Variants in PCDHGA6 observed in about 807,000 individuals in gnomAD.
The protein encoded by PCDHGA6 is protocadherin gamma subfamily A, 6, also known as protocadherin gamma-A6.
PCDHGA6 carries 41 observed loss-of-function variants against 60.6 expected under a neutral mutation model. The ratio of observed to expected loss-of-function variants is 0.68; its 90% CI spans 0.53 to 0.88. The LOEUF (loss-of-function observed/expected upper bound fraction) is 0.88, where lower values mean the gene tolerates loss of function less well. Ranked by LOEUF, PCDHGA6 falls within the 40% of genes least tolerant of loss-of-function variation. The pLI, the probability that PCDHGA6 is intolerant of heterozygous loss-of-function variation, is 0.00. For synonymous variants in PCDHGA6, 594 were observed against 524.4 expected (o/e 1.13, Z -1.81); for missense variants, 1,312 against 1,203.0 (o/e 1.09, Z -1.34).
At chr5:141,480,982 C>T (rs1258067957) in intron 1 of PCDHGA6, among the ~76,000 whole-genome samples, 1 of 152,150 alleles carries the variant, frequency 6.6e-6, no homozygotes, top group African/African-American at 2.4e-5. Context: ...TCAGTGAACC[C>T]AGGATGTGGA....
chr5:141,414,052 T>C, intron 1 of PCDHGA6: 1 of 1,610,346 alleles, frequency 6.2e-7, no homozygotes, highest in Non-Finnish European at 8.5e-7. Flanking sequence ...TGACACGCAA[T>C]TGTTGAAGTT....
chr5:141,422,317 G>A (rs1266672163), intron 1 of PCDHGA6: 2 of 1,548,092 alleles, frequency 1.3e-6, no homozygotes, highest in Non-Finnish European at 1.7e-6. Context: ...CTCTCCTCCA[G>A]GTACAGTGAT....
intron 1 of PCDHGA6, among the ~76,000 whole-genome samples, chr5:141,456,073 A>G (rs1490650582): frequency 2.6e-5 from 4 of 151,252 alleles, no homozygotes; most frequent in Non-Finnish European, 5.9e-5. Flanking sequence ...AATTTTTTGT[A>G]TTTTCAGTAG....
intron 1 of PCDHGA6, among the ~76,000 whole-genome samples, chr5:141,470,729 G>T (rs1253040487): frequency 6.6e-6 from 1 of 152,102 alleles, no homozygotes; most frequent in Non-Finnish European, 1.5e-5. Context: ...TCAGGGTCTT[G>T]CTCTGTCGCC....
At chr5:141,464,418 T>C (rs1244881278) in intron 1 of PCDHGA6, among the ~76,000 whole-genome samples, 2 of 151,652 alleles carry the variant, frequency 1.3e-5, no homozygotes, top group Non-Finnish European at 2.9e-5. Flanking sequence ...TATATATCTA[T>C]ATATATAGAT....
intron 1 of PCDHGA6, among the ~76,000 whole-genome samples, chr5:141,468,131 C>A (rs1006565854): frequency 1.3e-5 from 2 of 151,650 alleles, no homozygotes; most frequent in South Asian, 4.2e-4. Context: ...TTGAGACCAG[C>A]CTGGCCAACA....
In PCDHGA6 at chr5:141,405,345, A is replaced by G. The variant is rs758657243; in HGVS notation, c.2424+28838A>G. 3 of 1,613,944 alleles carry G rather than the reference A, an allele frequency of 1.9e-6. No homozygotes were observed. In the South Asian group the frequency reaches 3.3e-5, roughly 18 times the overall value. On this transcript the variant is annotated intron_variant, in intron 1 of 3. Coordinates refer to ENST00000517434, the MANE Select transcript of PCDHGA6 (RefSeq NM_018919.3). ...CCTTTGTGCGTCTCTGTTGATTCCA[A>G]GTTTCCTATAGAAGACACCCCTTTG...
chr5:141,416,378 A>C (rs2096019434), intron 1 of PCDHGA6: 1 of 152,230 alleles, frequency 6.6e-6, no homozygotes, highest in South Asian at 2.1e-4. Flanking sequence ...GAAATTAAGA[A>C]TATTTGGGAT....
chr5:141,383,987 G>A (rs773186043), intron 1 of PCDHGA6: 70 of 1,613,612 alleles, frequency 4.3e-5, no homozygotes, highest in Admixed American at 3.3e-5. Context: ...ACACCTCTTG[G>A]GACAGTCATT....
chr5:141,394,907 T>C (rs1477088272), intron 1 of PCDHGA6: 2 of 1,613,640 alleles, frequency 1.2e-6, no homozygotes, highest in Non-Finnish European at 1.7e-6. Context: ...TGGCAGTGGC[T>C]GCCATCTCCT....
rs1021096537 is a variant in PCDHGA6, at chr5:141,511,383, T to C, written c.*210T>C. 2 of 1,155,330 alleles carry C rather than the reference T, an allele frequency of 1.7e-6. No homozygotes were observed. Among genetic ancestry groups the C allele is most frequent in the Non-Finnish European group, 2.4e-6 (2 of 841,000 alleles). The allele number at this position is 1,155,330 out of a possible 1,614,324, so 71.6% of individuals were successfully genotyped here. ...GTTGAATATGCAAAAGCAGTTCCGC[T>C]GGGAACCCCCATCCAATCAACTGCT... is the stretch of plus-strand genomic sequence containing the variant. On this transcript the variant is annotated 3_prime_UTR_variant, in exon 4 of 4. Transcript: ENST00000517434.
At position 141,375,273 on chromosome 5, in the gene PCDHGA6, C is replaced by A. The variant is rs770340172; in HGVS notation, c.1190C>A (p.Ser397Ter). 6.2e-7 allele frequency: 1 copy of A among 1,613,854 alleles called. No individual in the cohort carries two copies. Among genetic ancestry groups the A allele is most frequent in the South Asian group, 1.1e-5 (1 of 91,082 alleles). ...PRSLPFELEK[S>*]VGNYYRLVTN... ...AGTCTCCCATTTGAATTGGAAAAAT[C>A]AGTTGGCAATTATTATCGATTAGTG... The change falls in exon 1 of 4, where the codon TCA (serine) becomes TAA (stop). Residue 397 changes from serine (S) to a stop codon, truncating the protein, a stop_gained. Coordinates refer to ENST00000517434, the MANE Select transcript of PCDHGA6 (RefSeq NM_018919.3). LOFTEE classifies it high-confidence loss of function.
intron 1 of PCDHGA6, among the ~76,000 whole-genome samples, chr5:141,443,829 A>G (rs1387307023): frequency 6.6e-6 from 1 of 152,228 alleles, no homozygotes; most frequent in Non-Finnish European, 1.5e-5. Flanking sequence ...ATAATTAGGT[A>G]AAATGGGTAA....
intron 1 of PCDHGA6, chr5:141,423,689 G>T: frequency 7.1e-7 from 1 of 1,400,130 alleles, no homozygotes; most frequent in Non-Finnish European, 9.4e-7. Context: ...CCTCCTAATT[G>T]TTGGTGTCTT....
chr5:141,415,461 T>C, intron 1 of PCDHGA6: 5 of 1,614,180 alleles, frequency 3.1e-6, no homozygotes, highest in Non-Finnish European at 4.2e-6. Context: ...ACGAGGTCTC[T>C]CTCACCGCGG....
At chr5:141,385,018 T>TTCGTCC in intron 1 of PCDHGA6, 1 of 1,614,144 alleles carries the variant, frequency 6.2e-7, no homozygotes, top group Non-Finnish European at 8.5e-7. Flanking sequence ...CTTCCTAGCC[T>TTCGTCC]TCGTCCTCGT....
At chr5:141,504,990 C>T (rs1056476591) in intron 2 of PCDHGA6, among the ~76,000 whole-genome samples, 3 of 151,976 alleles carry the variant, frequency 2.0e-5, no homozygotes, top group Non-Finnish European at 2.9e-5. Context: ...GGTGAAACCC[C>T]GTCTGTACTA....
In PCDHGA6 at chr5:141,432,198, AC is replaced by A. The variant is rs1345236539; in HGVS notation, c.2424+55692del. ...GTCTCTGTGACCGCCCACGACCCCG[AC>A]TGTGAAGAGAACGCCCAGATCACTT... is the stretch of plus-strand genomic sequence containing the variant. On this transcript the variant is annotated intron_variant, in intron 1 of 3. Coordinates refer to ENST00000517434, the MANE Select transcript of PCDHGA6 (RefSeq NM_018919.3). This position sits in a 1 kb window ranked among gnomAD's most constrained non-coding sequence, Gnocchi z 6.0. 6 of 1,613,998 alleles carry A rather than the reference AC, an allele frequency of 3.7e-6. No homozygotes were observed. Among genetic ancestry groups the A allele is most frequent in the Non-Finnish European group, 4.2e-6 (5 of 1,180,030 alleles).
At position 141,413,133 on chromosome 5, in the gene PCDHGA6, C is replaced by T. The variant is rs765215473; in HGVS notation, c.2424+36626C>T. The stretch of plus-strand genomic sequence containing the variant: ...CAAAGGAACCGGTTGAAACACACAA[C>T]GTGTCCAGTGAGGACTTTGCAGAAT... On this transcript the variant is annotated intron_variant, in intron 1 of 3. Transcript: ENST00000517434. 1.1e-5 allele frequency: 17 copies of T among 1,542,110 alleles called. No individual in the cohort carries two copies. In the East Asian group the frequency reaches 3.2e-4, roughly 29 times the overall value.
Sources: gnomAD v4.1 joint callset for allele counts (sites outside exome capture counted in the v4.1 genomes callset) on GRCh38, gnomAD v4.1.1 for gene constraint, Gnocchi (gnomAD v3.1) non-coding constraint, MANE v1.5 for transcripts, NCBI Gene and HGNC (gene_info 2026-07-23, HGNC 2026-07-21) for gene names.